Variants in ZNF430 observed in about 807,000 individuals in gnomAD.
ZNF430 encodes the protein zinc finger protein 430.
A neutral mutation model predicts 56.7 loss-of-function variants in ZNF430; 35 were observed. The ratio of observed to expected loss-of-function variants is 0.62; its 90% confidence interval spans 0.47 to 0.82. The LOEUF is 0.82. Ranked by LOEUF, ZNF430 falls within the 40% of genes least tolerant of loss-of-function variation. The pLI is 0.00. For synonymous variants in ZNF430, 212 were observed against 224.3 expected, an observed-to-expected ratio of 0.94 and a Z score of 0.49; for missense variants, 574 against 661.0, an observed-to-expected ratio of 0.87 and a Z score of 1.44.
At chr19:21,045,170 T>A (rs1349272912) in intron 4 of ZNF430, among the ~76,000 whole-genome samples, 1 of 152,182 alleles carries the variant, frequency 6.6e-6, no homozygotes, top group Non-Finnish European at 1.5e-5. Flanking sequence ...AATGTTAGGG[T>A]GTCATTTTGA....
intron 4 of ZNF430, among the ~76,000 whole-genome samples, chr19:21,038,210 T>C (rs1385519186): frequency 6.6e-6 from 1 of 152,200 alleles, no homozygotes; most frequent in Non-Finnish European, 1.5e-5. Context: ...AAAATATTTT[T>C]GTATATGATT....
rs1366722470 is a variant in ZNF430, at chr19:21,034,309, T to G, written c.322+125T>G. 7 of 740,558 alleles carry G rather than the reference T, an allele frequency of 9.5e-6. No individual in the cohort carries two copies. The East Asian group carries it at 1.9e-4, about 20-fold the overall frequency. The allele number at this position is 740,558 out of a possible 1,614,324, so 45.9% of individuals were successfully genotyped here. A position where few individuals can be genotyped will look rare whatever the true frequency, so the allele number is the denominator to read the frequency against. ...AATATTTTCTGGGAAGCCTGAGTTT[T>G]TTTTTTTAATTTTGCCCTCGCATAG... On this transcript the variant is annotated intron_variant, in intron 4 of 4. Coordinates refer to ENST00000261560, the MANE Select transcript of ZNF430 (RefSeq NM_025189.4).
intron 4 of ZNF430, among the ~76,000 whole-genome samples, chr19:21,041,035 A>G (rs1305211569): frequency 6.6e-6 from 1 of 152,176 alleles, no homozygotes; most frequent in African/African-American, 2.4e-5. Flanking sequence ...CTTTCAGCCT[A>G]TTTGACTCAA....
At chr19:21,030,189 A>G (rs953942026) in intron 2 of ZNF430, among the ~76,000 whole-genome samples, 3 of 152,246 alleles carry the variant, frequency 2.0e-5, no homozygotes, top group African/African-American at 7.2e-5. Flanking sequence ...GCCACAAACA[A>G]GTAAATGTAT....
chr19:21,021,751 G>A (rs936003339), intron 1 of ZNF430, among the ~76,000 whole-genome samples: 1 of 150,764 alleles, frequency 6.6e-6, no homozygotes, highest in African/African-American at 2.5e-5. Context: ...TTAATTGGCA[G>A]TATACAGTTG....
At chr19:21,031,028 A>C (rs1967892962) in intron 2 of ZNF430, among the ~76,000 whole-genome samples, 1 of 151,836 alleles carries the variant, frequency 6.6e-6, no homozygotes, top group South Asian at 2.1e-4. Flanking sequence ...GATTACAGGC[A>C]CCCGCCACCA....
At chr19:21,042,708 A>G (rs897912897) in intron 4 of ZNF430, among the ~76,000 whole-genome samples, 2 of 152,016 alleles carry the variant, frequency 1.3e-5, no homozygotes, top group Non-Finnish European at 2.9e-5. Context: ...GAATGGCGTG[A>G]ACCTGGGAGG....
chr19:21,022,552 A>G (rs1160504647), intron 1 of ZNF430, among the ~76,000 whole-genome samples: 1 of 151,308 alleles, frequency 6.6e-6, no homozygotes, highest in South Asian at 2.1e-4. Context: ...TGTTGTAAAA[A>G]CTCTCTGTGC....
chr19:21,030,412 T>C (rs1967879469), intron 2 of ZNF430, among the ~76,000 whole-genome samples: 1 of 152,226 alleles, frequency 6.6e-6, no homozygotes, highest in Non-Finnish European at 1.5e-5. Flanking sequence ...TCACAAAATG[T>C]GTTATTCCCA....
intron 4 of ZNF430, among the ~76,000 whole-genome samples, chr19:21,037,213 C>G (rs1968017012): frequency 6.6e-6 from 1 of 151,172 alleles, no homozygotes; most frequent in Non-Finnish European, 1.5e-5. Context: ...CTCCCTGGTT[C>G]AAGCGATTCT....
At chr19:21,044,936 T>G (rs1418345605) in intron 4 of ZNF430, among the ~76,000 whole-genome samples, 1 of 152,184 alleles carries the variant, frequency 6.6e-6, no homozygotes, top group Non-Finnish European at 1.5e-5. Context: ...CTCTTTATGA[T>G]TTTGTATTGT....
chr19:21,028,263 T>C (rs985501737), intron 2 of ZNF430, among the ~76,000 whole-genome samples: 1 of 152,334 alleles, frequency 6.6e-6, no homozygotes, highest in Admixed American at 6.5e-5. Context: ...GCCACAGTTA[T>C]GTGAGAGGCT....
intron 1 of ZNF430, among the ~76,000 whole-genome samples, chr19:21,021,535 T>G (rs1459573026): frequency 6.6e-6 from 1 of 151,952 alleles, no homozygotes; most frequent in Non-Finnish European, 1.5e-5. Context: ...CACAAAAATA[T>G]TAAAGAAATT....
At chr19:21,041,920 G>C (rs1568588712) in intron 4 of ZNF430, among the ~76,000 whole-genome samples, 1 of 152,114 alleles carries the variant, frequency 6.6e-6, no homozygotes, top group African/African-American at 2.4e-5. Context: ...CGCCACACTG[G>C]CCAGGATGGT....
chr19:21,037,118 T>C (rs1011741349), intron 4 of ZNF430, among the ~76,000 whole-genome samples: 1 of 151,410 alleles, frequency 6.6e-6, no homozygotes, highest in African/African-American at 2.4e-5. Flanking sequence ...TTTCTTTTTT[T>C]TTTTTTTTTT....
chr19:21,029,089 G>A (rs1413489357), intron 2 of ZNF430, among the ~76,000 whole-genome samples: 2 of 152,136 alleles, frequency 1.3e-5, no homozygotes, highest in East Asian at 1.9e-4. Context: ...AGGAGGTCTG[G>A]TGACTCAAAC....
intron 4 of ZNF430, among the ~76,000 whole-genome samples, chr19:21,040,029 A>T (rs866786791): frequency 6.6e-6 from 1 of 152,070 alleles, no homozygotes; most frequent in African/African-American, 2.4e-5. Flanking sequence ...GTAGTGACAG[A>T]GTCTCACTAT....
intron 2 of ZNF430, among the ~76,000 whole-genome samples, chr19:21,032,651 C>G: frequency 6.6e-6 from 1 of 151,942 alleles, no homozygotes; most frequent in Non-Finnish European, 1.5e-5. Context: ...TGCTTGAACC[C>G]AGGAGGCGGA....
At chr19:21,055,412 GT>G (rs1481885435) in intron 4 of ZNF430, among the ~76,000 whole-genome samples, 4 of 151,408 alleles carry the variant, frequency 2.6e-5, no homozygotes, top group African/African-American at 9.7e-5. Flanking sequence ...AATTAAAAGA[GT>G]TTGTGTTTCT....
Sources: gnomAD v4.1 joint callset for allele counts (sites outside exome capture counted in the v4.1 genomes callset) on GRCh38, gnomAD v4.1.1 for gene constraint, MANE v1.5 for transcripts, NCBI Gene and HGNC (gene_info 2026-07-23, HGNC 2026-07-21) for gene names.